APOL1: variants seen among roughly 807,000 people sequenced by gnomAD.
The protein encoded by APOL1 is apolipoprotein L 1.
APOL1 carries 17 observed loss-of-function variants against 14.9 expected under a neutral mutation model. The ratio of observed to expected loss-of-function variants is 1.14; its 90% CI spans 0.78 to 1.71. The LOEUF (loss-of-function observed/expected upper bound fraction) is 1.71, where lower values mean the gene tolerates loss of function less well. Ranked by LOEUF, APOL1 falls within the 40% of genes most tolerant of loss-of-function variation. The probability of loss-of-function intolerance (pLI) is 0.00; values close to 1 mark genes in which losing one functional copy is unlikely to be tolerated. For synonymous variants in APOL1, 195 were observed against 184.8 expected (o/e 1.05, Z -0.45); for missense variants, 523 against 485.9 (o/e 1.08, Z -0.72).
intron 5 of APOL1, among the ~76,000 whole-genome samples, chr22:36,264,652 T>C (rs1003351207): frequency 4.4e-4 from 67 of 152,258 alleles, no homozygotes; most frequent in African/African-American, 1.6e-3. Context: ...GGAATAAATA[T>C]TGAGGAGTAT....
At chr22:36,256,220 G>A (rs1603481961) in intron 2 of APOL1, among the ~76,000 whole-genome samples, 1 of 152,260 alleles carries the variant, frequency 6.6e-6, no homozygotes, top group South Asian at 2.1e-4. Flanking sequence ...CTGAGAGCCA[G>A]TAAGACTGAA....
Position 36,260,841 on chromosome 22 carries a change from G to C in APOL1, c.188-755G>C, listed in dbSNP as rs192174702. On this transcript the variant is annotated intron_variant, in intron 4 of 5. Transcript: ENST00000397278. ...CAAAAACAATACTCACCCCTGCTAC[G>C]CTTGGTACACTCTGATATTTTCAAA... 5.2e-4 allele frequency among the ~76,000 whole-genome samples: 79 copies of C among 152,286 alleles called. No homozygotes were observed. In the East Asian group the frequency reaches 0.012, roughly 22 times the overall value.
At position 36,265,741 on chromosome 22, in the gene APOL1, C is replaced by T. The variant is rs761340027; in HGVS notation, c.905C>T (p.Ser302Leu). 1.1e-5 allele frequency: 17 copies of T among 1,614,030 alleles called. No individual in the cohort carries two copies. The highest frequency in any genetic ancestry group is 1.7e-5 in the Admixed American group (1 of 60,002). ...CAGTCAGTACCGCATGCCTCAGCCTCACGCCCCCGGGTCACTGAGCCAATC... is the reference window on the plus strand; with the variant it reads ...CAGTCAGTACCGCATGCCTCAGCCTTACGCCCCCGGGTCACTGAGCCAATC... ...NLQSVPHASA[S>L]RPRVTEPISA... The change falls in exon 6 of 6, where the codon TCA becomes TTA. Residue 302 changes from serine to leucine, a missense_variant. Ser to Leu is a moderately radical substitution (Grantham distance 145). Coordinates refer to ENST00000397278, the MANE Select transcript of APOL1 (RefSeq NM_003661.4).
rs1196066029 is a variant in APOL1 at position 36,265,583 on chromosome 22, C to T, written c.747C>T (p.Asp249=). The T allele has an allele frequency of 1.3e-6, 2 of 1,598,610 alleles. No homozygotes were observed. The highest frequency in any genetic ancestry group is 3.5e-5 in the Admixed American group (2 of 57,832). ...QAHDLVIKSL[D]KLKEVREFLG... ...ACGACCTGGTCATCAAAAGCCTTGA[C>T]AAATTGAAGGAGGTGAGGGAGTTTT... The change falls in exon 6 of 6, where the codon GAC becomes GAT. Residue 249 remains aspartate (D), a synonymous_variant. Transcript: ENST00000397278.
At chr22:36,259,934 G>T in intron 4 of APOL1, 1 of 1,267,620 alleles carries the variant, frequency 7.9e-7, no homozygotes. Flanking sequence ...CTATAAGGGA[G>T]AATGCAGAGA....
chr22:36,257,751 AG>A (rs1371710796), intron 4 of APOL1, among the ~76,000 whole-genome samples: 1 of 144,922 alleles, frequency 6.9e-6, no homozygotes, highest in Non-Finnish European at 1.5e-5. Flanking sequence ...GAGGGCTGGG[AG>A]AGGAGGTTGA....
At chr22:36,257,451 G>T (rs1460686835) in intron 4 of APOL1, 44 bp downstream of exon 4, 4 of 1,570,588 alleles carry the variant, frequency 2.5e-6, no homozygotes, top group Non-Finnish European at 3.5e-6. Flanking sequence ...CTCGCACTTA[G>T]AATGGAGGGT....
intron 5 of APOL1, 113 bp from the exon 6 acceptor site, chr22:36,265,038 C>T (rs192806824): frequency 1.5e-6 from 2 of 1,353,952 alleles, no homozygotes; most frequent in East Asian, 2.3e-5. Flanking sequence ...GTCTCAATCT[C>T]CTGACCTTGT....
At chr22:36,260,344 A>G (rs1443023277) in intron 4 of APOL1, among the ~76,000 whole-genome samples, 2 of 152,150 alleles carry the variant, frequency 1.3e-5, no homozygotes, top group East Asian at 3.9e-4. Context: ...GCAGTGAGCC[A>G]AGATCGCACC....
rs547756453 is a variant in APOL1 at position 36,255,096 on chromosome 22, T to G, written c.44+97T>G. On this transcript the variant is annotated intron_variant, in intron 2 of 5. Transcript: ENST00000397278. ...GGGCTGGGCCAGGGCCATCTGGGCT[T>G]CTTCTAGGAACCAAAGTCACTTCCC... 1.8e-5 allele frequency: 26 copies of G among 1,416,516 alleles called. No homozygotes were observed. In the South Asian group the frequency reaches 2.8e-4, roughly 15 times the overall value. 87.7% of individuals were successfully genotyped at this position (1,416,516 alleles called of 1,614,324 possible).
Position 36,261,760 on chromosome 22 carries a change from C to CTA in APOL1, c.314+38_314+39insTA, listed in dbSNP as rs1226412370. ...GGGTTACCTCCATTGGGCACTCCGG[C>CTA]GATGCCACCCAGCTCTCCCCTGGGC... is the stretch of plus-strand genomic sequence containing the variant. On this transcript the variant is annotated intron_variant, in intron 5 of 5. Transcript: ENST00000397278. The CTA allele has an allele frequency of 1.9e-6, 3 of 1,592,412 alleles. No individual in the cohort carries two copies. The East Asian group carries it at 6.8e-5, about 36-fold the overall frequency.
Position 36,265,813 on chromosome 22 carries a change from T to A in APOL1, c.977T>A (p.Ile326Asn). 3.7e-6 allele frequency: 6 copies of A among 1,614,106 alleles called. No homozygotes were observed. The highest frequency in any genetic ancestry group is 5.1e-6 in the Non-Finnish European group (6 of 1,180,014). The change falls in exon 6 of 6, where the codon ATC (isoleucine) becomes AAC (asparagine). Residue 326 changes from isoleucine (I) to asparagine (N), a missense_variant. Transcript: ENST00000397278. Reference protein sequence around the residue: ...EQVERVNEPSILEMSRGVKLT... With the variant: ...EQVERVNEPSNLEMSRGVKLT... The stretch of plus-strand genomic sequence containing the variant: ...GTGGAGAGGGTTAATGAACCCAGCA[T>A]CCTGGAAATGAGCAGAGGAGTCAAG...
In APOL1 at chr22:36,259,915, A is replaced by G. The variant is rs918683820; in HGVS notation, c.188-1681A>G. Reference sequence around the variant, plus strand: ...TTATTTTTAAACTTTAAATAGCCCCACAGGTAAGCTATAAGGGAGAATGCA... The same window carrying G: ...TTATTTTTAAACTTTAAATAGCCCCGCAGGTAAGCTATAAGGGAGAATGCA... On this transcript the variant is annotated intron_variant, in intron 4 of 5. Coordinates refer to ENST00000397278, the MANE Select transcript of APOL1 (RefSeq NM_003661.4). The G allele has an allele frequency of 1.2e-5, 16 of 1,296,252 alleles. No homozygotes were observed. In the Admixed American group the frequency reaches 3.5e-4, roughly 28 times the overall value. 80.3% of individuals were successfully genotyped at this position (1,296,252 alleles called of 1,614,324 possible).
chr22:36,259,228 G>A (rs972384818), intron 4 of APOL1, among the ~76,000 whole-genome samples: 3 of 152,164 alleles, frequency 2.0e-5, no homozygotes, highest in Non-Finnish European at 4.4e-5. Flanking sequence ...GTCCAGGAAT[G>A]TTTCAGGGCT....
At position 36,266,582 on chromosome 22, in the gene APOL1, T is replaced by C. The variant is rs2016268393; in HGVS notation, c.*549T>C. On this transcript the variant is annotated 3_prime_UTR_variant, in exon 6 of 6. Transcript: ENST00000397278. ...AATGGGAACTGGAGAGTGTGGGGAA[T>C]GGGAAGAAGCAGTTTACTTTAGACT... The C allele has an allele frequency of 2.5e-6, 1 of 397,600 alleles. No individual in the cohort carries two copies. The highest frequency in any genetic ancestry group is 2.1e-5 in the African/African-American group (1 of 48,164). The allele number at this position is 397,600 out of a possible 1,614,324, so 24.6% of individuals were successfully genotyped here.
Position 36,265,692 on chromosome 22 carries a change from C to G in APOL1, c.856C>G (p.Leu286Val), listed in dbSNP as rs755351451. 152 of 1,609,166 alleles carry G rather than the reference C, an allele frequency of 9.4e-5. No homozygotes were observed. The highest frequency in any genetic ancestry group is 5.0e-4 in the South Asian group (45 of 90,362). The stretch of plus-strand genomic sequence containing the variant: ...AGGCATTGGGAAGGACATCCGTGCC[C>G]TCAGACGAGCCAGAGCCAATCTTCA... ...TRGIGKDIRA[L>V]RRARANLQSV... The change falls in exon 6 of 6, where the codon CTC (leucine) becomes GTC (valine). Residue 286 changes from leucine to valine, a missense_variant. Transcript: ENST00000397278.
Position 36,261,730 on chromosome 22 carries a change from C to T in APOL1, c.314+8C>T. ...TGCTGCTGAACTGCCCAGGTAAGCT[C>T]CATGGGGTTACCTCCATTGGGCACT... is the stretch of plus-strand genomic sequence containing the variant. On this transcript the variant is annotated splice_region_variant and intron_variant, in intron 5 of 5. Coordinates refer to ENST00000397278, the MANE Select transcript of APOL1 (RefSeq NM_003661.4). 1 of 1,613,282 alleles carries T rather than the reference C, an allele frequency of 6.2e-7. No homozygotes were observed.
chr22:36,256,366 G>A (rs2015877317), intron 2 of APOL1, among the ~76,000 whole-genome samples: 1 of 152,190 alleles, frequency 6.6e-6, no homozygotes, highest in African/African-American at 2.4e-5. Context: ...AATATCTTAA[G>A]GAAATAATCT....
chr22:36,265,719 TCAGTACCGCATGCCTCAGC>T lies in APOL1; in HGVS notation c.885_903del (p.Val296HisfsTer28), dbSNP rs1212458402. On this transcript the variant is annotated frameshift_variant, in exon 6 of 6. Coordinates refer to ENST00000397278, the MANE Select transcript of APOL1 (RefSeq NM_003661.4). LOFTEE classifies it low-confidence loss of function (END_TRUNC). ...CAGACGAGCCAGAGCCAATCTTCAGTCAGTACCGCATGCCTCAGCCTCACGCCCCCGGGTCACTGAGCCA... is the reference window on the plus strand; with the variant it reads ...CAGACGAGCCAGAGCCAATCTTCAGTCTCACGCCCCCGGGTCACTGAGCCA... The T allele has an allele frequency of 2.5e-6, 4 of 1,613,380 alleles. No individual in the cohort carries two copies. The highest frequency in any genetic ancestry group is 3.4e-6 in the Non-Finnish European group (4 of 1,179,664).
Sources: allele counts gnomAD v4.1 joint callset (sites outside exome capture counted in the v4.1 genomes callset), GRCh38; gene constraint gnomAD v4.1.1; transcripts MANE v1.5; gene names NCBI Gene and HGNC (gene_info 2026-07-23, HGNC 2026-07-21).